HEATR4: variants seen among roughly 807,000 people sequenced by gnomAD.
HEATR4 encodes the protein HEAT repeat-containing protein 4.
In HEATR4, 95 loss-of-function variants were observed where a neutral mutation model predicts 108.8. That is an observed-to-expected ratio of 0.87 (90% confidence interval 0.74 to 1.04). The LOEUF (loss-of-function observed/expected upper bound fraction) is 1.04, where lower values mean the gene tolerates loss of function less well. Among genes scored for constraint, HEATR4 ranks in the 50% least tolerant of loss-of-function variants. The pLI, the probability that HEATR4 is intolerant of heterozygous loss-of-function variation, is 0.00. For synonymous variants in HEATR4, 443 were observed against 459.4 expected, an observed-to-expected ratio of 0.96 and a Z score of 0.46; for missense variants, 1,152 against 1,253.8, an observed-to-expected ratio of 0.92 and a Z score of 1.23.
the HEATR4 span, among the ~76,000 whole-genome samples, chr14:73,584,148 G>A: frequency 6.6e-6 from 1 of 151,846 alleles, no homozygotes; most frequent in Non-Finnish European, 1.5e-5. Flanking sequence ...CACAGAGCAT[G>A]AGGGCAGCTC....
the HEATR4 span, among the ~76,000 whole-genome samples, chr14:73,598,469 C>T: frequency 6.6e-6 from 1 of 152,048 alleles, no homozygotes; most frequent in East Asian, 1.9e-4. Flanking sequence ...CTGTTTCAGT[C>T]ACTAGAGTAG....
chr14:73,529,549 T>C (rs1888580531), intron 2 of HEATR4, among the ~76,000 whole-genome samples: 1 of 152,010 alleles, frequency 6.6e-6, no homozygotes. Flanking sequence ...CTAGAAAATG[T>C]AGGAGTTGGA....
At chr14:73,627,427 G>T in the HEATR4 span, among the ~76,000 whole-genome samples, 1 of 152,088 alleles carries the variant, frequency 6.6e-6, no homozygotes, top group African/African-American at 2.4e-5. Context: ...CTTAAGTCTA[G>T]GTTTTCAGAA....
rs1889286234 is a variant in HEATR4 at position 73,549,367 on chromosome 14, A to G, written c.-152+9384T>C. ...CCCATCTTGTTGGGAGGAATTAACAATCATGCATCGAGCCCTGGGCCTCAG... is the reference window on the plus strand; with the variant it reads ...CCCATCTTGTTGGGAGGAATTAACAGTCATGCATCGAGCCCTGGGCCTCAG... On this transcript the variant is annotated intron_variant, in intron 1 of 17. Transcript: ENST00000553558. Among the ~76,000 whole-genome samples the G allele has an allele frequency of 1.7e-5, 2 of 118,560 alleles. 1 individual carries two copies. The highest frequency in any genetic ancestry group is 5.5e-5 in the African/African-American group (2 of 36,258). The allele number at this position is 118,560 out of a possible 152,430, so 77.8% of individuals were successfully genotyped here. A position where few individuals can be genotyped will look rare whatever the true frequency, so the allele number is the denominator to read the frequency against.
At chr14:73,539,790 G>A (rs567909605) in intron 1 of HEATR4, 1 of 116,874 alleles carries the variant, frequency 8.6e-6, no homozygotes, top group African/African-American at 2.8e-5. Flanking sequence ...CATCGCTGCC[G>A]GGGCACTGGG....
intron 1 of HEATR4, among the ~76,000 whole-genome samples, chr14:73,541,983 G>A (rs1377844088): frequency 1.8e-5 from 2 of 112,074 alleles, no homozygotes; most frequent in African/African-American, 6.0e-5. Context: ...AGCCTCCCAA[G>A]TAGCTGGGAT....
chr14:73,576,124 GT>G, the HEATR4 span, among the ~76,000 whole-genome samples: 1 of 151,920 alleles, frequency 6.6e-6, no homozygotes. Flanking sequence ...AGAAAAGATT[GT>G]GCTACTACCC....
the HEATR4 span, among the ~76,000 whole-genome samples, chr14:73,578,493 T>C: frequency 6.6e-6 from 1 of 152,090 alleles, no homozygotes; most frequent in East Asian, 1.9e-4. Flanking sequence ...CGTACCACAC[T>C]GATTGGATTA....
the HEATR4 span, among the ~76,000 whole-genome samples, chr14:73,604,629 G>T: frequency 6.6e-6 from 1 of 152,104 alleles, no homozygotes; most frequent in Non-Finnish European, 1.5e-5. Context: ...GGGACTACAG[G>T]CATGCGCCAC....
At chr14:73,501,011 A>G (rs1041827269) in intron 11 of HEATR4, among the ~76,000 whole-genome samples, 2 of 152,218 alleles carry the variant, frequency 1.3e-5, no homozygotes, top group Non-Finnish European at 1.5e-5. Flanking sequence ...TTCACAGTCA[A>G]GTTCTCTTCT....
At chr14:73,595,126 G>A in the HEATR4 span, 1 of 1,614,210 alleles carries the variant, frequency 6.2e-7, no homozygotes, top group South Asian at 1.1e-5. Context: ...CATTCTTGAA[G>A]AATGTCTCAG....
intron 2 of HEATR4, among the ~76,000 whole-genome samples, chr14:73,524,071 A>T (rs1288031163): frequency 1.1e-4 from 16 of 151,788 alleles, no homozygotes; most frequent in Non-Finnish European, 1.5e-5. Context: ...TGGGTGGGTC[A>T]CCTGAGGTCT....
intron 17 of HEATR4, 95 bp from the exon 18 acceptor site, chr14:73,478,937 T>A: frequency 1.1e-6 from 1 of 879,722 alleles, no homozygotes; most frequent in East Asian, 2.5e-5. Flanking sequence ...ATAGGGTGTC[T>A]CCTTTTTTTT....
the HEATR4 span, among the ~76,000 whole-genome samples, chr14:73,589,640 G>C: frequency 6.6e-6 from 1 of 152,142 alleles, no homozygotes; most frequent in African/African-American, 2.4e-5. Flanking sequence ...TCATCAAAAA[G>C]CTTTTTTTAA....
intron 11 of HEATR4, among the ~76,000 whole-genome samples, chr14:73,501,192 T>C (rs1886430923): frequency 6.6e-6 from 1 of 150,942 alleles, no homozygotes; most frequent in Middle Eastern, 3.3e-3. Context: ...GATCTTGGCT[T>C]ACTGCAAGCG....
At chr14:73,545,906 G>A (rs1337717359) in intron 1 of HEATR4, among the ~76,000 whole-genome samples, 2 of 113,360 alleles carry the variant, frequency 1.8e-5, no homozygotes, top group African/African-American at 2.9e-5. Flanking sequence ...CCAGCTACTT[G>A]GAGGCTGAGG....
At chr14:73,625,942 A>G in the HEATR4 span, among the ~76,000 whole-genome samples, 25 of 152,250 alleles carry the variant, frequency 1.6e-4, no homozygotes, top group Non-Finnish European at 3.1e-4. Flanking sequence ...TTAAATCAAA[A>G]GCTAGAAATG....
intron 11 of HEATR4, 101 bp downstream of exon 11, chr14:73,502,794 A>G (rs1886554233): frequency 4.9e-6 from 4 of 813,100 alleles, no homozygotes; most frequent in South Asian, 1.4e-5. Context: ...TGATCCGCCC[A>G]CCCCGTCTTC....
the HEATR4 span, among the ~76,000 whole-genome samples, chr14:73,585,685 A>G: frequency 2.1e-5 from 3 of 142,374 alleles, no homozygotes; most frequent in Non-Finnish European, 4.4e-5. Flanking sequence ...CAGGACTAGA[A>G]CCCCAAAAAA....
Sources: gnomAD v4.1 joint callset for allele counts (sites outside exome capture counted in the v4.1 genomes callset) on GRCh38, gnomAD v4.1.1 for gene constraint, MANE v1.5 for transcripts, NCBI Gene and HGNC (gene_info 2026-07-23, HGNC 2026-07-21) for gene names.